Variants in DENND2B observed in about 807,000 individuals in gnomAD.
DENND2B encodes DENN domain containing 2B.
In DENND2B, 32 loss-of-function variants were observed where a neutral mutation model predicts 116.0. The ratio of observed to expected loss-of-function variants is 0.28; its 90% CI spans 0.21 to 0.37. The LOEUF is 0.37. Ranked by LOEUF, DENND2B falls within the 10% of genes least tolerant of loss-of-function variation. The pLI is 1.00. For missense variants in DENND2B, 1,276 were observed against 1,477.7 expected (o/e 0.86, Z 2.24); for synonymous variants, 588 against 583.9 (o/e 1.01, Z -0.10).
intron 3 of DENND2B, among the ~76,000 whole-genome samples, chr11:8,853,215 T>C (rs572342536): frequency 6.6e-6 from 1 of 151,932 alleles, no homozygotes; most frequent in African/African-American, 2.4e-5. Context: ...ATACAAAAAT[T>C]AGCCGGGCGT....
At chr11:8,834,443 T>G (rs2062339245) in intron 4 of DENND2B, among the ~76,000 whole-genome samples, 1 of 152,220 alleles carries the variant, frequency 6.6e-6, no homozygotes, top group Non-Finnish European at 1.5e-5. Flanking sequence ...AAACAGTAAG[T>G]TTAAAGAATG....
intron 3 of DENND2B, among the ~76,000 whole-genome samples, chr11:8,850,405 G>A (rs1184703923): frequency 6.6e-6 from 1 of 151,976 alleles, no homozygotes; most frequent in African/African-American, 2.4e-5. Flanking sequence ...ACGTTTTTCA[G>A]AAGAAGATAT....
intron 1 of DENND2B, among the ~76,000 whole-genome samples, chr11:8,753,456 A>G (rs962514692): frequency 2.0e-5 from 3 of 152,202 alleles, no homozygotes; most frequent in Non-Finnish European, 4.4e-5. Flanking sequence ...TGGATCAGAA[A>G]ATTTAATATT....
intron 4 of DENND2B, among the ~76,000 whole-genome samples, chr11:8,838,958 A>G (rs137968118): frequency 0.024 from 3,594 of 152,348 alleles, 150 homozygotes; most frequent in African/African-American, 0.081. Flanking sequence ...TGCTGAAGCA[A>G]CATAACACAG....
At chr11:8,819,323 G>A (rs537124638) in intron 4 of DENND2B, among the ~76,000 whole-genome samples, 66 of 152,286 alleles carry the variant, frequency 4.3e-4, no homozygotes, top group African/African-American at 1.5e-3. Flanking sequence ...GAGCCTAGCA[G>A]GAGGTCAAGG....
At chr11:8,828,587 G>T (rs2062068566) in intron 4 of DENND2B, among the ~76,000 whole-genome samples, 1 of 152,068 alleles carries the variant, frequency 6.6e-6, no homozygotes, top group East Asian at 1.9e-4. Flanking sequence ...CTGCCATGTG[G>T]GGTGGTGAGA....
intron 13 of DENND2B, among the ~76,000 whole-genome samples, chr11:8,704,928 C>T (rs919391556): frequency 2.6e-5 from 4 of 152,094 alleles, no homozygotes; most frequent in Admixed American, 1.3e-4. Context: ...TCTCGAACTC[C>T]TGACCTCAAG....
chr11:8,892,744 G>T (rs190133148), intron 1 of DENND2B, among the ~76,000 whole-genome samples: 2 of 152,262 alleles, frequency 1.3e-5, no homozygotes, highest in African/African-American at 4.8e-5. Context: ...CTGAAATTGA[G>T]GCAATAATTA....
chr11:8,727,636 C>T (rs969255162), intron 3 of DENND2B, among the ~76,000 whole-genome samples: 4 of 152,176 alleles, frequency 2.6e-5, no homozygotes, highest in African/African-American at 9.7e-5. Flanking sequence ...AGATTTCTGT[C>T]TTTGGCCCAG....
chr11:8,853,718 A>G (rs1180092351), intron 3 of DENND2B, among the ~76,000 whole-genome samples: 2 of 152,248 alleles, frequency 1.3e-5, no homozygotes, highest in Admixed American at 1.3e-4. Context: ...TTTGGTAGAA[A>G]AAGAATATAA....
intron 1 of DENND2B, among the ~76,000 whole-genome samples, chr11:8,803,825 C>T (rs569149986): frequency 6.6e-6 from 1 of 152,280 alleles, no homozygotes; most frequent in South Asian, 2.1e-4. Flanking sequence ...GAGCTGGCTG[C>T]AAAGCCTATT....
intron 1 of DENND2B, among the ~76,000 whole-genome samples, chr11:8,780,277 T>A (rs1030195380): frequency 6.6e-6 from 1 of 152,168 alleles, no homozygotes; most frequent in Non-Finnish European, 1.5e-5. Flanking sequence ...AATAGACATA[T>A]AAATCTCATA....
intron 3 of DENND2B, among the ~76,000 whole-genome samples, chr11:8,855,007 T>C (rs1203515580): frequency 6.6e-6 from 1 of 151,178 alleles, no homozygotes; most frequent in Non-Finnish European, 1.5e-5. Context: ...TAGCCAGGCA[T>C]AGTGGCCCAC....
intron 1 of DENND2B, among the ~76,000 whole-genome samples, chr11:8,904,512 G>C (rs1351285855): frequency 1.3e-5 from 2 of 152,134 alleles, no homozygotes; most frequent in African/African-American, 4.8e-5. Context: ...CTAAAATTGG[G>C]AACAAGGCAA....
At chr11:8,827,345 C>A (rs2062017929) in intron 4 of DENND2B, among the ~76,000 whole-genome samples, 1 of 152,186 alleles carries the variant, frequency 6.6e-6, no homozygotes. Flanking sequence ...CCATGGGACT[C>A]CAGAGGCTAA....
intron 4 of DENND2B, among the ~76,000 whole-genome samples, chr11:8,725,851 A>G (rs535933293): frequency 5.3e-5 from 8 of 152,316 alleles, no homozygotes; most frequent in Admixed American, 2.6e-4. Context: ...CGTGTCCCCA[A>G]AGGTCCTTTG....
At chr11:8,772,591 G>C (rs1439890485) in intron 1 of DENND2B, among the ~76,000 whole-genome samples, 1 of 152,170 alleles carries the variant, frequency 6.6e-6, no homozygotes, top group Non-Finnish European at 1.5e-5. Flanking sequence ...ACTAATAGTA[G>C]AGTGAGTGTG....
chr11:8,718,478 T>C, intron 4 of DENND2B: 1 of 1,485,230 alleles, frequency 6.7e-7, no homozygotes, highest in Admixed American at 2.2e-5. Context: ...TGTTGTTCAC[T>C]GAGGCAACCT....
intron 1 of DENND2B, among the ~76,000 whole-genome samples, chr11:8,786,778 C>T (rs1312924903): frequency 1.3e-5 from 2 of 152,178 alleles, no homozygotes; most frequent in African/African-American, 2.4e-5. Flanking sequence ...GACTGCGCCA[C>T]TGCACTCCAG....
Sources: gnomAD v4.1 joint callset for allele counts (sites outside exome capture counted in the v4.1 genomes callset) on GRCh38, gnomAD v4.1.1 for gene constraint, MANE v1.5 for transcripts, NCBI Gene and HGNC (gene_info 2026-07-23, HGNC 2026-07-21) for gene names.